Variants in ALDH1A3 observed in about 807,000 individuals in gnomAD.
ALDH1A3 encodes aldehyde dehydrogenase 1 family member A3.
In ALDH1A3, 28 loss-of-function variants were observed where a neutral mutation model predicts 57.5. The observed-to-expected ratio is 0.49, with a 90% CI of 0.36 to 0.67. The LOEUF is 0.67. Among genes scored for constraint, ALDH1A3 ranks in the 30% least tolerant of loss-of-function variants. The pLI is 0.00. For missense variants in ALDH1A3, 507 were observed against 669.4 expected (o/e 0.76, Z 2.68); for synonymous variants, 281 against 264.8 (o/e 1.06, Z -0.59).
chr15:100,881,322 T>A (rs1409056188), intron 1 of ALDH1A3: 2 of 152,212 alleles, frequency 1.3e-5, no homozygotes, highest in Admixed American at 6.5e-5. Context: ...AGCTTCAGAG[T>A]GAAAATTCCA....
chr15:100,898,051 A>C lies in ALDH1A3; in HGVS notation c.781-32A>C, dbSNP rs201651488. Reference sequence around the variant, plus strand: ...CCTGGGCCAAGTTCAGCAACATCCAAGGTAAATTGTGATCTGTGTTCTGTC... The same window carrying C: ...CCTGGGCCAAGTTCAGCAACATCCACGGTAAATTGTGATCTGTGTTCTGTC... On this transcript the variant is annotated intron_variant, in intron 7 of 12. Coordinates refer to ENST00000329841, the MANE Select transcript of ALDH1A3 (RefSeq NM_000693.4). 1.3e-5 allele frequency: 20 copies of C among 1,595,480 alleles called. No homozygotes were observed. In the East Asian group the frequency reaches 3.6e-4, roughly 29 times the overall value.
chr15:100,907,049 G>A, intron 10 of ALDH1A3, 72 bp from the exon 11 acceptor site: 1 of 1,528,272 alleles, frequency 6.5e-7, no homozygotes, highest in East Asian at 2.3e-5. Context: ...GTAAAGAGAA[G>A]GAAATGCTTG....
Position 100,900,557 on chromosome 15 carries a change from T to A in ALDH1A3, c.884-18T>A. 1 of 1,563,364 alleles carries A rather than the reference T, an allele frequency of 6.4e-7. No individual in the cohort carries two copies. Among genetic ancestry groups the A allele is most frequent in the Non-Finnish European group, 8.7e-7 (1 of 1,152,342 alleles). On this transcript the variant is annotated intron_variant, in intron 8 of 12. Transcript: ENST00000329841. ...CTTCCTCTCGCTCTGCCCGCCTCCC[T>A]CGCCCCTCCCCCTCCAGTGGACTTG...
Position 100,915,536 on chromosome 15 carries a change from T to C in ALDH1A3, c.*763T>C, listed in dbSNP as rs1387824618. ...TCTTAAGCAGAAAATATTGTTGAGG[T>C]TACCTTTGCTGCTAAAGATCCAATC... On this transcript the variant is annotated 3_prime_UTR_variant, in exon 13 of 13. Coordinates refer to ENST00000329841, the MANE Select transcript of ALDH1A3 (RefSeq NM_000693.4). The C allele has an allele frequency of 6.6e-6, 1 of 152,206 alleles. No homozygotes were observed. The highest frequency in any genetic ancestry group is 1.5e-5 in the Non-Finnish European group (1 of 68,036). 9.4% of individuals were successfully genotyped at this position (152,206 alleles called of 1,614,324 possible).
chr15:100,914,980 G>A lies in ALDH1A3; in HGVS notation c.*207G>A, dbSNP rs146962709. On this transcript the variant is annotated 3_prime_UTR_variant, in exon 13 of 13. Transcript: ENST00000329841. ...ATGCCTATAGGTTGTCTGTGAAATC[G>A]CAGTCCTGCCTGGGGAGGGAGCTGT... 2,350 of 570,852 alleles carry A rather than the reference G, an allele frequency of 4.1e-3. 47 individuals carry two copies. The highest frequency in any genetic ancestry group is 0.039 in the African/African-American group (2,059 of 53,476). 35.4% of individuals were successfully genotyped at this position (570,852 alleles called of 1,614,324 possible).
intron 1 of ALDH1A3, among the ~76,000 whole-genome samples, chr15:100,884,083 C>G (rs749024883): frequency 1.7e-4 from 26 of 152,200 alleles, no homozygotes; most frequent in Non-Finnish European, 3.2e-4. Flanking sequence ...TGCGTGTCAG[C>G]CATTTCTGCC....
At position 100,900,934 on chromosome 15, in the gene ALDH1A3, G is replaced by A. The variant is rs551915759; in HGVS notation, c.1068+175G>A. Among the ~76,000 whole-genome samples the A allele has an allele frequency of 2.0e-5, 3 of 152,282 alleles. No individual in the cohort carries two copies. In the East Asian group the frequency reaches 5.8e-4, roughly 29 times the overall value. On this transcript the variant is annotated intron_variant, in intron 9 of 12. Coordinates refer to ENST00000329841, the MANE Select transcript of ALDH1A3 (RefSeq NM_000693.4). The stretch of plus-strand genomic sequence containing the variant: ...AAACACAATCCTGTCAGGTCCCGGG[G>A]GCTCACGAAAGGGGGCAGGACACAC...
At chr15:100,883,305 C>A (rs1333771563) in intron 1 of ALDH1A3, among the ~76,000 whole-genome samples, 1 of 152,222 alleles carries the variant, frequency 6.6e-6, no homozygotes, top group Non-Finnish European at 1.5e-5. Flanking sequence ...TAACTTAACT[C>A]TTCTTCCTCA....
In ALDH1A3 at chr15:100,892,476, T is replaced by C. The variant is rs3809521; in HGVS notation, c.346-34T>C. On this transcript the variant is annotated intron_variant, in intron 3 of 12. Coordinates refer to ENST00000329841, the MANE Select transcript of ALDH1A3 (RefSeq NM_000693.4). ...CTGACAGTGCAAAAGAAAAGCAAGC[T>C]ATGTCCGAAACAGACATCATCTTGT... 19,333 of 1,607,842 alleles carry C rather than the reference T, an allele frequency of 0.012. 995 individuals are homozygous for C. The African/African-American group carries it at 0.15, about 13-fold the overall frequency.
In ALDH1A3 at chr15:100,890,182, C is replaced by T. The variant is rs191454846; in HGVS notation, c.346-2328C>T. Among the ~76,000 whole-genome samples the T allele has an allele frequency of 1.7e-3, 259 of 152,316 alleles. 2 individuals carry two copies. Among genetic ancestry groups the T allele is most frequent in the African/African-American group, 5.9e-3 (244 of 41,570 alleles). On this transcript the variant is annotated intron_variant, in intron 3 of 12. Transcript: ENST00000329841. ...CCCAAGTGCCATTTCTGGGTCCTCT[C>T]GTTGTAAGCCCTGCCGTGCTGTTTT... is the stretch of plus-strand genomic sequence containing the variant.
In ALDH1A3 at chr15:100,889,278, C is replaced by T. The variant is rs776643081; in HGVS notation, c.345+1566C>T. Among the ~76,000 whole-genome samples, 8 of 152,256 alleles carry T rather than the reference C, an allele frequency of 5.3e-5. No homozygotes were observed. The East Asian group carries it at 7.7e-4, about 15-fold the overall frequency. ...TTAAAGGAGGGTGTCAGCCAGGACA[C>T]GGAAATTGCTGTTGCCCCTGAATGT... is the stretch of plus-strand genomic sequence containing the variant. On this transcript the variant is annotated intron_variant, in intron 3 of 12. Transcript: ENST00000329841. The surrounding 1 kb of genome is among the most constrained non-coding windows in gnomAD (Gnocchi z 5.1).
At chr15:100,900,493 A>T in intron 8 of ALDH1A3, 82 bp from the exon 9 acceptor site, 1 of 1,304,136 alleles carries the variant, frequency 7.7e-7, no homozygotes, top group Non-Finnish European at 1.1e-6. Context: ...GGCAATTAGA[A>T]TTGCAGCTGT....
At chr15:100,902,110 A>G (rs751240576) in intron 9 of ALDH1A3, among the ~76,000 whole-genome samples, 1 of 152,214 alleles carries the variant, frequency 6.6e-6, no homozygotes, top group East Asian at 1.9e-4. Context: ...AGTGGGAAAT[A>G]TGTGAACTGA....
At chr15:100,884,036 A>G (rs865819909) in intron 1 of ALDH1A3, among the ~76,000 whole-genome samples, 5 of 152,220 alleles carry the variant, frequency 3.3e-5, no homozygotes, top group Non-Finnish European at 7.3e-5. Context: ...CTAATTCTGT[A>G]CTCAGAAATT....
Position 100,894,232 on chromosome 15 carries a change from G to A in ALDH1A3, c.666+150G>A, listed in dbSNP as rs1013374644. 2.6e-5 allele frequency: 26 copies of A among 981,996 alleles called. No homozygotes were observed. The highest frequency in any genetic ancestry group is 4.8e-5 in the South Asian group (3 of 61,892). 60.8% of individuals were successfully genotyped at this position (981,996 alleles called of 1,614,324 possible). A position where few individuals can be genotyped will look rare whatever the true frequency, so the allele number is the denominator to read the frequency against. On this transcript the variant is annotated intron_variant, in intron 6 of 12. Coordinates refer to ENST00000329841, the MANE Select transcript of ALDH1A3 (RefSeq NM_000693.4). This position sits in a 1 kb window ranked among gnomAD's most constrained non-coding sequence, Gnocchi z 4.5. ...CCAGTGTTTTGTTTGGCGACTGCAC[G>A]TTCTTTCTCCTGCTTGTGGCCACTG...
chr15:100,895,701 A>T (rs941298497), intron 6 of ALDH1A3: 4 of 563,210 alleles, frequency 7.1e-6, no homozygotes, highest in Non-Finnish European at 1.3e-5. Flanking sequence ...CCAGAAGGAG[A>T]AGTGGGCATC....
intron 2 of ALDH1A3, among the ~76,000 whole-genome samples, chr15:100,885,975 T>G (rs977597163): frequency 6.6e-6 from 1 of 152,224 alleles, no homozygotes; most frequent in African/African-American, 2.4e-5. Flanking sequence ...CTTTATACAT[T>G]GCAAGGCCAT....
intron 3 of ALDH1A3, chr15:100,888,350 C>CT (rs1242825829): frequency 6.6e-6 from 1 of 152,206 alleles, no homozygotes; most frequent in Non-Finnish European, 1.5e-5. Flanking sequence ...CTCAGGTGAT[C>CT]TACCGGCCTT....
chr15:100,908,051 G>A (rs1421629741), intron 11 of ALDH1A3, among the ~76,000 whole-genome samples: 1 of 151,882 alleles, frequency 6.6e-6, no homozygotes, highest in Non-Finnish European at 1.5e-5. Flanking sequence ...GTTTCACCAT[G>A]TTGGTCAGGC....
Sources: gnomAD v4.1 joint callset for allele counts (sites outside exome capture counted in the v4.1 genomes callset) on GRCh38, gnomAD v4.1.1 for gene constraint, Gnocchi (gnomAD v3.1) non-coding constraint, MANE v1.5 for transcripts, NCBI Gene and HGNC (gene_info 2026-07-23, HGNC 2026-07-21) for gene names.